TENM2: variants seen among roughly 807,000 people sequenced by gnomAD.
TENM2 encodes teneurin transmembrane protein 2, also known as teneurin-2.
Under a neutral mutation model 245.2 loss-of-function variants are expected in TENM2, and 52 were observed. That is an observed-to-expected ratio of 0.21 (90% CI 0.17 to 0.27). The LOEUF (loss-of-function observed/expected upper bound fraction) is 0.27. TENM2 is among the 10% of genes least tolerant of loss of function. The probability of loss-of-function intolerance (pLI) is 1.00; values close to 1 mark genes in which losing one functional copy is unlikely to be tolerated. For synonymous variants in TENM2, 1,363 were observed against 1,438.9 expected, an observed-to-expected ratio of 0.95 and a Z score of 1.19; for missense variants, 3,046 against 3,666.8, an observed-to-expected ratio of 0.83 and a Z score of 4.37.
intron 9 of TENM2, among the ~76,000 whole-genome samples, chr5:168,111,233 T>C (rs973877694): frequency 2.0e-5 from 3 of 152,234 alleles, no homozygotes; most frequent in African/African-American, 7.2e-5. Context: ...CCTGAATCAC[T>C]TTCTTGCTTA....
intron 2 of TENM2, among the ~76,000 whole-genome samples, chr5:167,440,793 T>G (rs965271877): frequency 1.3e-5 from 2 of 152,146 alleles, no homozygotes; most frequent in Non-Finnish European, 2.9e-5. Context: ...TCCTTCCTTC[T>G]TCTAACTTTT....
At chr5:168,234,347 A>T (rs1765227361) in intron 25 of TENM2, among the ~76,000 whole-genome samples, 1 of 152,158 alleles carries the variant, frequency 6.6e-6, no homozygotes, top group African/African-American at 2.4e-5. Context: ...GGAGCTGGGG[A>T]TCTGTGATGA....
intron 2 of TENM2, among the ~76,000 whole-genome samples, chr5:167,502,831 A>G (rs1769296580): frequency 6.6e-6 from 1 of 152,288 alleles, no homozygotes; most frequent in East Asian, 1.9e-4. Context: ...TTCTAAAGCC[A>G]AATATATAAA....
chr5:167,782,019 AAAAAT>A (rs1211333554), intron 2 of TENM2, among the ~76,000 whole-genome samples: 4 of 148,638 alleles, frequency 2.7e-5, no homozygotes, highest in Non-Finnish European at 6.0e-5. Context: ...AAATAAATAA[AAAAAT>A]AAAAATAGGC....
the TENM2 span, among the ~76,000 whole-genome samples, chr5:167,155,092 G>A: frequency 2.6e-5 from 4 of 152,230 alleles, no homozygotes; most frequent in Admixed American, 2.6e-4. Context: ...TTGTGTAATG[G>A]GGCAAGTTTT....
chr5:167,771,363 T>C (rs1319423121), intron 2 of TENM2, among the ~76,000 whole-genome samples: 1 of 152,190 alleles, frequency 6.6e-6, no homozygotes, highest in Non-Finnish European at 1.5e-5. Flanking sequence ...GTGTTCACTT[T>C]TTTTCTAGTC....
the TENM2 span, among the ~76,000 whole-genome samples, chr5:167,174,342 C>T: frequency 1.2e-4 from 18 of 152,114 alleles, no homozygotes; most frequent in Non-Finnish European, 2.2e-4. Flanking sequence ...CCCTGTCACA[C>T]GAAGCAAATA....
In TENM2 at chr5:168,262,032, T is replaced by C. The variant is rs1768236006; in HGVS notation, c.7564-17T>C. The C allele has an allele frequency of 6.2e-7, 1 of 1,604,330 alleles. No homozygotes were observed. Among genetic ancestry groups the C allele is most frequent in the Non-Finnish European group, 8.5e-7 (1 of 1,173,224 alleles). On this transcript the variant is annotated splice_polypyrimidine_tract_variant and intron_variant, in intron 28 of 28. Coordinates refer to ENST00000518659, the Ensembl canonical transcript of TENM2. ...CAGCTCATCTTCTCAGCTTTCTCTGTTTTCTTATCCCCACAGCTCATTACA... is the reference window on the plus strand; with the variant it reads ...CAGCTCATCTTCTCAGCTTTCTCTGCTTTCTTATCCCCACAGCTCATTACA...
intron 9 of TENM2, among the ~76,000 whole-genome samples, chr5:168,107,565 G>T (rs1462642614): frequency 2.0e-5 from 3 of 146,566 alleles, no homozygotes; most frequent in Middle Eastern, 3.4e-3. Flanking sequence ...TGGGGGGGGG[G>T]TCTGATGCAG....
intron 4 of TENM2, among the ~76,000 whole-genome samples, chr5:167,988,506 T>G (rs1205678921): frequency 6.6e-6 from 1 of 152,166 alleles, no homozygotes; most frequent in Non-Finnish European, 1.5e-5. Flanking sequence ...CAGGAAGATC[T>G]CTCTGAAAAA....
At chr5:168,086,698 C>T (rs1792488658) in intron 7 of TENM2, among the ~76,000 whole-genome samples, 1 of 152,182 alleles carries the variant, frequency 6.6e-6, no homozygotes, top group Non-Finnish European at 1.5e-5. Context: ...ACAGAGTAAC[C>T]TCTTTAGTCA....
At chr5:168,158,428 A>G (rs1022906980) in intron 12 of TENM2, among the ~76,000 whole-genome samples, 1 of 152,044 alleles carries the variant, frequency 6.6e-6, no homozygotes. Context: ...AGCACCTTCT[A>G]TGTGCCTAAA....
At chr5:167,538,724 C>T (rs1056104988) in intron 2 of TENM2, among the ~76,000 whole-genome samples, 1 of 152,178 alleles carries the variant, frequency 6.6e-6, no homozygotes, top group Non-Finnish European at 1.5e-5. Context: ...AGATGACCTT[C>T]TCCTCTCATT....
At chr5:167,864,542 C>T (rs1282129231) in intron 2 of TENM2, among the ~76,000 whole-genome samples, 1 of 152,164 alleles carries the variant, frequency 6.6e-6, no homozygotes, top group Non-Finnish European at 1.5e-5. Context: ...TGCCCAAGGT[C>T]TCCCAGAGAA....
Position 167,782,661 on chromosome 5 carries a change from G to T in TENM2, c.503-93325G>T, listed in dbSNP as rs529423342. On this transcript the variant is annotated intron_variant, in intron 2 of 28. Transcript: ENST00000518659. ...AGATGTAAAAACAAAAAAATTACAA[G>T]GGAGCAGTCAAACAGAAAAGAGAGC... Among the ~76,000 whole-genome samples the T allele has an allele frequency of 6.1e-4, 93 of 152,274 alleles. 1 individual carries two copies. Among genetic ancestry groups the T allele is most frequent in the African/African-American group, 2.2e-3 (92 of 41,562 alleles).
At chr5:168,233,170 A>G (rs1765095476) in intron 25 of TENM2, among the ~76,000 whole-genome samples, 1 of 152,144 alleles carries the variant, frequency 6.6e-6, no homozygotes, top group Non-Finnish European at 1.5e-5. Flanking sequence ...TACTAAAAAT[A>G]CAAAAATCAG....
intron 2 of TENM2, among the ~76,000 whole-genome samples, chr5:167,581,997 A>T (rs1439399925): frequency 6.6e-6 from 1 of 152,240 alleles, no homozygotes; most frequent in African/African-American, 2.4e-5. Flanking sequence ...GTCTTGCCTC[A>T]TCAGGAGGAG....
chr5:167,572,438 C>G (rs1487462350), intron 2 of TENM2, among the ~76,000 whole-genome samples: 1 of 152,150 alleles, frequency 6.6e-6, no homozygotes, highest in Non-Finnish European at 1.5e-5. Context: ...AAGTAGGGCA[C>G]ATAGAATTTA....
At chr5:168,127,128 A>G (rs962780289) in intron 12 of TENM2, among the ~76,000 whole-genome samples, 162 bp downstream of exon 14, 10 of 152,182 alleles carry the variant, frequency 6.6e-5, no homozygotes, top group Admixed American at 2.6e-4. Context: ...CTAATTGGGA[A>G]GGGCTTTTCC....
Sources: allele counts gnomAD v4.1 joint callset (sites outside exome capture counted in the v4.1 genomes callset), GRCh38; gene constraint gnomAD v4.1.1; transcripts MANE v1.5; gene names NCBI Gene and HGNC (gene_info 2026-07-23, HGNC 2026-07-21).